The following AGPS variants were observed in gnomAD, a reference collection of about 807,000 sequenced individuals.
AGPS encodes alkyldihydroxyacetonephosphate synthase, peroxisomal.
Under a neutral mutation model 90.7 loss-of-function variants are expected in AGPS, and 26 were observed. The observed-to-expected ratio is 0.29, with a 90% CI of 0.21 to 0.40. The LOEUF is 0.40. Among genes scored for constraint, AGPS ranks in the 10% least tolerant of loss-of-function variants. The probability of loss-of-function intolerance (pLI) is 1.00; values close to 1 mark genes in which losing one functional copy is unlikely to be tolerated. For missense variants in AGPS, 540 were observed against 816.1 expected, an observed-to-expected ratio of 0.66 and a Z score of 4.12; for synonymous variants, 294 against 285.3, an observed-to-expected ratio of 1.03 and a Z score of -0.31.
Position 177,474,708 on chromosome 2 carries a change from A to G in AGPS, c.1105+6184A>G, listed in dbSNP as rs533179216. On this transcript the variant is annotated intron_variant, in intron 10 of 19. Coordinates refer to ENST00000264167, the MANE Select transcript of AGPS (RefSeq NM_003659.4). ...TTTTTTAAAAAACAAATGGGAGCTTACTATTCTTTGCTCATCACATTTAGA... is the reference window on the plus strand; with the variant it reads ...TTTTTTAAAAAACAAATGGGAGCTTGCTATTCTTTGCTCATCACATTTAGA... Among the ~76,000 whole-genome samples the G allele has an allele frequency of 8.1e-4, 123 of 152,350 alleles. 1 individual carries two copies. The highest frequency in any genetic ancestry group is 2.9e-3 in the African/African-American group (120 of 41,580).
intron 1 of AGPS, among the ~76,000 whole-genome samples, chr2:177,396,260 A>G (rs1685170170): frequency 6.6e-6 from 1 of 152,166 alleles, no homozygotes. Flanking sequence ...GTGAGAATAA[A>G]ATGAAAGGAG....
chr2:177,498,011 T>G (rs1185398780), intron 13 of AGPS, among the ~76,000 whole-genome samples: 1 of 151,848 alleles, frequency 6.6e-6, no homozygotes, highest in East Asian at 1.9e-4. Flanking sequence ...TTTCATAACA[T>G]TTTCTATAGT....
At chr2:177,528,849 C>CTTTTTTTTTTTTTTTTTTTTTTTTTTTT (rs71008000) in intron 19 of AGPS, among the ~76,000 whole-genome samples, 3 of 79,144 alleles carry the variant, frequency 3.8e-5, no homozygotes, top group Admixed American at 1.9e-4. Flanking sequence ...CATATTAATC[C>CTTTTTTTTTTTTTTTTTTTTTTTTTTTT]TTTTTTTTTT....
chr2:177,437,602 T>A (rs755852434), intron 5 of AGPS, among the ~76,000 whole-genome samples: 3 of 152,214 alleles, frequency 2.0e-5, no homozygotes, highest in Non-Finnish European at 4.4e-5. Flanking sequence ...GTAGGTACTA[T>A]ATTTATAAAT....
chr2:177,413,991 G>C (rs896207619), intron 1 of AGPS, among the ~76,000 whole-genome samples: 3 of 152,164 alleles, frequency 2.0e-5, no homozygotes, highest in African/African-American at 7.2e-5. Context: ...GAAGTGATTA[G>C]TGACTGCCCA....
At position 177,392,891 on chromosome 2, in the gene AGPS, C is replaced by G; in HGVS notation, c.102C>G (p.Ala34=). 1 of 1,550,762 alleles carries G rather than the reference C, an allele frequency of 6.4e-7. No individual in the cohort carries two copies. Among genetic ancestry groups the G allele is most frequent in the Admixed American group, 2.0e-5 (1 of 51,100 alleles). The change falls in exon 1 of 20, where the codon GCC becomes GCG. Residue 34 remains alanine (A), a synonymous_variant. Transcript: ENST00000264167. ...ACCGGGACCCGGACCCGGACCGCGC[C>G]GGGCGGAGGCTGCGGGTTCTCTCTG... ...DRDRDPDPDR[A]GRRLRVLSGH... is the part of the protein sequence containing the mutation.
In AGPS at chr2:177,398,484, T is replaced by A. The variant is rs187569038; in HGVS notation, c.260+5435T>A. Reference sequence around the variant, plus strand: ...AGTTAATTTATCTAAGGCCTTGCATTTGTGAAATGAAAGAGATGGCATTTC... The same window carrying A: ...AGTTAATTTATCTAAGGCCTTGCATATGTGAAATGAAAGAGATGGCATTTC... On this transcript the variant is annotated intron_variant, in intron 1 of 19. Coordinates refer to ENST00000264167, the MANE Select transcript of AGPS (RefSeq NM_003659.4). Among the ~76,000 whole-genome samples the A allele has an allele frequency of 3.0e-3, 462 of 152,308 alleles. 3 individuals carry two copies. The highest frequency in any genetic ancestry group is 0.011 in the African/African-American group (441 of 41,548).
In AGPS at chr2:177,462,103, A is replaced by G; in HGVS notation, c.996+85A>G. On this transcript the variant is annotated intron_variant, in intron 9 of 19. Transcript: ENST00000264167. ...TGATTAGAAGCCTTTAAAAATTAAG[A>G]GTTGGGCCTGGGCGCGGTGGCCAAT... 2.3e-6 allele frequency: 3 copies of G among 1,309,896 alleles called. 1 individual carries two copies. The South Asian group carries it at 4.1e-5, about 18-fold the overall frequency. The allele number at this position is 1,309,896 out of a possible 1,614,324, so 81.1% of individuals were successfully genotyped here. A position where few individuals can be genotyped will look rare whatever the true frequency, so the allele number is the denominator to read the frequency against.
intron 1 of AGPS, among the ~76,000 whole-genome samples, chr2:177,409,506 G>C (rs531904292): frequency 6.6e-6 from 1 of 151,878 alleles, no homozygotes; most frequent in Non-Finnish European, 1.5e-5. Flanking sequence ...AGGTGGGTGC[G>C]GTCACCTTCC....
At chr2:177,434,144 G>C (rs1686329059) in intron 2 of AGPS, among the ~76,000 whole-genome samples, 183 bp from the exon 3 acceptor site, 1 of 152,002 alleles carries the variant, frequency 6.6e-6, no homozygotes, top group African/African-American at 2.4e-5. Context: ...ACTGCTTTTG[G>C]TCTGTCTATA....
intron 1 of AGPS, among the ~76,000 whole-genome samples, chr2:177,396,213 C>A (rs1319483723): frequency 6.6e-6 from 1 of 152,076 alleles, no homozygotes; most frequent in Non-Finnish European, 1.5e-5. Context: ...AAGTGCATAT[C>A]GTATTTACAT....
rs1685855536 is a variant in AGPS, at chr2:177,418,562, A to G, written c.261-1707A>G. On this transcript the variant is annotated intron_variant, in intron 1 of 19. Transcript: ENST00000264167. The stretch of plus-strand genomic sequence containing the variant: ...GAACAGAATTATAATAAATGTTGAA[A>G]TTCACTAATAAAATGCAATCACATA... 3.3e-5 allele frequency among the ~76,000 whole-genome samples: 5 copies of G among 152,008 alleles called. 1 individual carries two copies. The highest frequency in any genetic ancestry group is 4.1e-4 in the South Asian group (2 of 4,830).
intron 11 of AGPS, among the ~76,000 whole-genome samples, chr2:177,487,083 C>T (rs1223232833): frequency 2.6e-5 from 4 of 151,872 alleles, no homozygotes; most frequent in Admixed American, 6.6e-5. Flanking sequence ...TTATTATTCT[C>T]TAAAAGAGAT....
Position 177,392,969 on chromosome 2 carries a change from G to A in AGPS, c.180G>A (p.Ala60=), listed in dbSNP as rs184178361. Residue 60 remains alanine (A), a synonymous_variant, in exon 1 of 20, where the codon GCG becomes GCA. Transcript: ENST00000264167. The stretch of plus-strand genomic sequence containing the variant: ...CTCTGAGTACCAATGAGTGCAAAGC[G>A]CGGAGAGCCGCGTCGGCGGCCACGG... ...REALSTNECK[A]RRAASAATAA... is the part of the protein sequence containing the mutation. 11 of 1,550,020 alleles carry A rather than the reference G, an allele frequency of 7.1e-6. No homozygotes were observed. The highest frequency in any genetic ancestry group is 4.4e-6 in the Non-Finnish European group (5 of 1,146,614).
intron 10 of AGPS, among the ~76,000 whole-genome samples, chr2:177,471,314 A>G (rs1687617986): frequency 1.3e-5 from 2 of 152,182 alleles, no homozygotes; most frequent in Admixed American, 1.3e-4. Context: ...AAGTATTACT[A>G]TCCAAAAACC....
intron 13 of AGPS, among the ~76,000 whole-genome samples, chr2:177,498,334 T>G (rs1404906803): frequency 6.6e-6 from 1 of 151,550 alleles, no homozygotes; most frequent in Non-Finnish European, 1.5e-5. Flanking sequence ...TTTTGCCAGG[T>G]GGTGGTGGGG....
chr2:177,473,024 C>A (rs1191896403), intron 10 of AGPS, among the ~76,000 whole-genome samples: 2 of 152,160 alleles, frequency 1.3e-5, no homozygotes, highest in East Asian at 3.8e-4. Flanking sequence ...CCTCTAGTTC[C>A]TCTGTTACTC....
intron 11 of AGPS, among the ~76,000 whole-genome samples, chr2:177,483,164 AT>A (rs1687995539): frequency 6.6e-6 from 1 of 152,192 alleles, no homozygotes; most frequent in Non-Finnish European, 1.5e-5. Context: ...TTATCTTGGA[AT>A]TTGTAAGGTA....
At chr2:177,461,178 C>T in intron 8 of AGPS, among the ~76,000 whole-genome samples, 1 of 152,176 alleles carries the variant, frequency 6.6e-6, no homozygotes, top group East Asian at 1.9e-4. Flanking sequence ...ATGGCTGAGT[C>T]TTTAAAATGA....
Sources: gnomAD v4.1 joint callset for allele counts (sites outside exome capture counted in the v4.1 genomes callset) on GRCh38, gnomAD v4.1.1 for gene constraint, MANE v1.5 for transcripts, NCBI Gene and HGNC (gene_info 2026-07-23, HGNC 2026-07-21) for gene names.